Variants in FLI1 observed in about 807,000 individuals in gnomAD.
FLI1 encodes the protein Fli-1 proto-oncogene, ETS transcription factor, also known as Friend leukemia integration 1 transcription factor.
FLI1 carries 13 observed loss-of-function variants against 53.1 expected under a neutral mutation model. The observed-to-expected ratio is 0.24, with a 90% CI of 0.16 to 0.39. FLI1 has a LOEUF of 0.39. Ranked by LOEUF, FLI1 falls within the 10% of genes least tolerant of loss-of-function variation. The probability of loss-of-function intolerance (pLI) is 1.00; values close to 1 mark genes in which losing one functional copy is unlikely to be tolerated. For missense variants in FLI1, 424 were observed against 600.5 expected, an observed-to-expected ratio of 0.71 and a Z score of 3.07; for synonymous variants, 244 against 236.7, an observed-to-expected ratio of 1.03 and a Z score of -0.28.
At chr11:128,773,414 C>T (rs946586706) in intron 4 of FLI1, among the ~76,000 whole-genome samples, 11 of 152,156 alleles carry the variant, frequency 7.2e-5, no homozygotes, top group African/African-American at 2.4e-4. Context: ...TACATATTAG[C>T]TTCCTCTTAA....
At chr11:128,687,710 A>T (rs1440115936) in intron 1 of FLI1, among the ~76,000 whole-genome samples, 1 of 152,002 alleles carries the variant, frequency 6.6e-6, no homozygotes, top group African/African-American at 2.4e-5. Flanking sequence ...CTGTCCAAGG[A>T]TTGCCAATTA....
chr11:128,802,237 A>G (rs1271119342), intron 5 of FLI1, among the ~76,000 whole-genome samples: 2 of 152,218 alleles, frequency 1.3e-5, no homozygotes, highest in African/African-American at 4.8e-5. Context: ...TCTTTGGAGC[A>G]GAAATTGCTC....
chr11:128,727,100 A>G (rs962003359), intron 1 of FLI1, among the ~76,000 whole-genome samples: 1 of 152,166 alleles, frequency 6.6e-6, no homozygotes, highest in Non-Finnish European at 1.5e-5. Context: ...TGTATTAGTA[A>G]TAGGCATGTC....
At position 128,810,917 on chromosome 11, in the gene FLI1, A is replaced by C. The variant is rs1327859525; in HGVS notation, c.1288A>C (p.Ile430Leu). The C allele has an allele frequency of 1.5e-5, 24 of 1,613,906 alleles. No individual in the cohort carries two copies. Among genetic ancestry groups the C allele is most frequent in the Non-Finnish European group, 2.0e-5 (24 of 1,179,798 alleles). ...SQYWTSPTGG[I>L]YPNPNVPRHP... is the part of the protein sequence containing the mutation. ...ATACTGGACCTCCCCCACGGGGGGA[A>C]TCTACCCCAACCCCAACGTCCCCCG... Residue 430 changes from isoleucine to leucine, a missense_variant, in exon 9 of 9, where the codon ATC (isoleucine) becomes CTC (leucine). Ile to Leu is a conservative substitution (Grantham distance 5). Around this residue, in one of 5 missense-constraint regions of FLI1, gnomAD observed 87 missense variants for 100.0 expected, o/e 0.87. Coordinates refer to ENST00000527786, the MANE Select transcript of FLI1 (RefSeq NM_002017.5). This position sits in a 1 kb window ranked among gnomAD's most constrained non-coding sequence, Gnocchi z 6.6.
chr11:128,789,136 G>A (rs1421199519), intron 5 of FLI1, among the ~76,000 whole-genome samples: 3 of 152,182 alleles, frequency 2.0e-5, no homozygotes, highest in Non-Finnish European at 4.4e-5. Context: ...AAGGAGGAAG[G>A]CACCAAGGAA....
chr11:128,692,128 A>T (rs1202958828), upstream of FLI1: 1 of 152,178 alleles, frequency 6.6e-6, no homozygotes, highest in Non-Finnish European at 1.5e-5. Context: ...TGGGCTGAAA[A>T]GGAAACAATT....
At chr11:128,758,775 G>A (rs1329983580) in intron 2 of FLI1, among the ~76,000 whole-genome samples, 1 of 152,224 alleles carries the variant, frequency 6.6e-6, no homozygotes, top group Non-Finnish European at 1.5e-5. Context: ...TGAGGAAGGT[G>A]TCTACCTTCC....
intron 5 of FLI1, among the ~76,000 whole-genome samples, chr11:128,783,569 C>G (rs1160870483): frequency 1.3e-5 from 2 of 152,164 alleles, no homozygotes; most frequent in Non-Finnish European, 1.5e-5. Flanking sequence ...TCAGATTTCA[C>G]TTTTTGACCT....
At chr11:128,792,288 C>A (rs191979912) in intron 5 of FLI1, among the ~76,000 whole-genome samples, 1 of 152,266 alleles carries the variant, frequency 6.6e-6, no homozygotes, top group East Asian at 1.9e-4. Flanking sequence ...TGCATTTCCC[C>A]CAAGTAGCTG....
intron 1 of FLI1, among the ~76,000 whole-genome samples, chr11:128,687,855 A>G (rs185088297): frequency 7.1e-4 from 108 of 152,322 alleles, no homozygotes; most frequent in Non-Finnish European, 1.3e-3. Flanking sequence ...GGGGTGTTTC[A>G]TTGACAATGC....
intron 4 of FLI1, among the ~76,000 whole-genome samples, chr11:128,780,976 C>T (rs919268621): frequency 2.0e-5 from 3 of 152,088 alleles, no homozygotes; most frequent in African/African-American, 4.8e-5. Context: ...CAAAATACAA[C>T]CTTGAATTCA....
At chr11:128,772,202 G>T (rs900005311) in intron 3 of FLI1, among the ~76,000 whole-genome samples, 1 of 152,128 alleles carries the variant, frequency 6.6e-6, no homozygotes, top group Non-Finnish European at 1.5e-5. Context: ...TCATCTTTGG[G>T]TATTTAAATA....
chr11:128,736,961 C>T (rs1207164103), intron 1 of FLI1, among the ~76,000 whole-genome samples: 3 of 152,158 alleles, frequency 2.0e-5, no homozygotes, highest in African/African-American at 7.2e-5. Flanking sequence ...GAGGCACATT[C>T]TAACAAACAA....
chr11:128,689,386 C>T (rs1254730828), upstream of FLI1, among the ~76,000 whole-genome samples: 1 of 152,150 alleles, frequency 6.6e-6, no homozygotes, highest in East Asian at 1.9e-4. Flanking sequence ...CTGGCAGGGT[C>T]CTCCTTTTTT....
At chr11:128,757,337 G>A (rs1167889321) in intron 1 of FLI1, among the ~76,000 whole-genome samples, 3 of 152,184 alleles carry the variant, frequency 2.0e-5, no homozygotes, top group African/African-American at 7.2e-5. Context: ...AACCTCTTTT[G>A]GAGGGTCTTG....
chr11:128,801,048 C>T (rs1942623029), intron 5 of FLI1, among the ~76,000 whole-genome samples: 1 of 152,254 alleles, frequency 6.6e-6, no homozygotes, highest in Non-Finnish European at 1.5e-5. Flanking sequence ...AGACCAAGAT[C>T]ATCAACTGGT....
chr11:128,768,846 G>A (rs73015393), intron 3 of FLI1, among the ~76,000 whole-genome samples: 199 of 152,286 alleles, frequency 1.3e-3, no homozygotes, highest in South Asian at 2.9e-3. Context: ...GGTCCTCAAG[G>A]ACGGGCTGCT....
chr11:128,717,227 G>A (rs1407646216), intron 1 of FLI1, among the ~76,000 whole-genome samples: 1 of 152,102 alleles, frequency 6.6e-6, no homozygotes, highest in Non-Finnish European at 1.5e-5. Flanking sequence ...ACAACCCAGA[G>A]CACCCAGCCA....
chr11:128,686,831 G>A, intron 1 of FLI1: 1 of 229,766 alleles, frequency 4.4e-6, no homozygotes, highest in Non-Finnish European at 9.0e-6. Context: ...TCGGCTCGTG[G>A]ATCTCAAGCT....
Sources: gnomAD v4.1 joint callset for allele counts (sites outside exome capture counted in the v4.1 genomes callset) on GRCh38, gnomAD v4.1.1 for gene constraint, gnomAD v4.1.1 regional missense constraint, Gnocchi (gnomAD v3.1) non-coding constraint, MANE v1.5 for transcripts, NCBI Gene and HGNC (gene_info 2026-07-23, HGNC 2026-07-21) for gene names.